The following CCDC97 variants were observed in gnomAD, a reference collection of about 807,000 sequenced individuals.
The protein encoded by CCDC97 is coiled-coil domain containing 97.
In CCDC97, 27 loss-of-function variants were observed where a neutral mutation model predicts 33.9. That is an observed-to-expected ratio of 0.80 (90% CI 0.59 to 1.10). The LOEUF (loss-of-function observed/expected upper bound fraction) is 1.10. CCDC97 is among the 50% of genes least tolerant of loss of function. The pLI is 0.00. For synonymous variants in CCDC97, 217 were observed against 194.0 expected (o/e 1.12, Z -0.99); for missense variants, 422 against 476.6 (o/e 0.89, Z 1.07).
At chr19:41,319,507 C>T in intron 2 of CCDC97, 67 bp from the exon 3 acceptor site, 1 of 1,139,230 alleles carries the variant, frequency 8.8e-7, no homozygotes, top group South Asian at 1.4e-5. Context: ...TGATCACACA[C>T]ATACCCACAT....
In CCDC97 at chr19:41,310,364, C is replaced by G. The variant is rs774807722; in HGVS notation, c.46+8C>G. On this transcript the variant is annotated splice_region_variant and intron_variant, in intron 1 of 4. Transcript: ENST00000269967. ...CGAAGGAACCCGATAAGGGTGAGAT[C>G]TTGGTCACGCGCAGGCGGCGGGTGG... 6.2e-6 allele frequency: 10 copies of G among 1,603,256 alleles called. No individual in the cohort carries two copies. Among genetic ancestry groups the G allele is most frequent in the South Asian group, 2.2e-5 (2 of 89,214 alleles).
chr19:41,310,452 G>A, intron 1 of CCDC97, 96 bp downstream of exon 1: 1 of 1,528,916 alleles, frequency 6.5e-7, no homozygotes, highest in Non-Finnish European at 8.8e-7. Flanking sequence ...CTCGTTTTAG[G>A]GGGACACCCA....
At chr19:41,319,447 A>G in intron 2 of CCDC97, 127 bp from the exon 3 acceptor site, 1 of 687,660 alleles carries the variant, frequency 1.5e-6, no homozygotes, top group East Asian at 2.7e-5. Context: ...GTGTTTTTGA[A>G]TGTGTGCATA....
rs746229440 is a variant in CCDC97, at chr19:41,316,575, C to A, written c.238C>A (p.Gln80Lys). 14 of 1,614,130 alleles carry A rather than the reference C, an allele frequency of 8.7e-6. No homozygotes were observed. The highest frequency in any genetic ancestry group is 1.2e-5 in the Non-Finnish European group (14 of 1,180,052). ...VAASRLPVCS[Q>K]QQGEPDLTEH... ...CGCCAGCCGCCTGCCTGTTTGCAGC[C>A]AGCAGCAGGGTGAACCCGACTTGAC... The change falls in exon 2 of 5, where the codon CAG becomes AAG. Residue 80 changes from glutamine to lysine, a missense_variant. Physicochemically the swap from Gln to Lys is moderately conservative, Grantham distance 53 (BLOSUM62 1). Coordinates refer to ENST00000269967, the MANE Select transcript of CCDC97 (RefSeq NM_052848.3).
At chr19:41,321,123 G>A (rs2037820239) in intron 4 of CCDC97, among the ~76,000 whole-genome samples, 1 of 152,244 alleles carries the variant, frequency 6.6e-6, no homozygotes, top group African/African-American at 2.4e-5. Flanking sequence ...ACACATAAGC[G>A]GACCCTACGT....
intron 1 of CCDC97, among the ~76,000 whole-genome samples, chr19:41,311,582 T>A (rs1291681789): frequency 2.0e-5 from 3 of 151,836 alleles, no homozygotes; most frequent in Admixed American, 2.0e-4. Flanking sequence ...AAAATACAAA[T>A]ATTAGCCAGG....
chr19:41,310,381 G>T lies in CCDC97; in HGVS notation c.46+25G>T. 4 of 1,596,742 alleles carry T rather than the reference G, an allele frequency of 2.5e-6. No individual in the cohort carries two copies. In the South Asian group the frequency reaches 4.5e-5, roughly 18 times the overall value. On this transcript the variant is annotated intron_variant, in intron 1 of 4. Coordinates refer to ENST00000269967, the MANE Select transcript of CCDC97 (RefSeq NM_052848.3). ...GGTGAGATCTTGGTCACGCGCAGGC[G>T]GCGGGTGGGTGCGGTTGCGGTGTCT...
intron 2 of CCDC97, among the ~76,000 whole-genome samples, chr19:41,317,595 C>G (rs1329111812): frequency 6.6e-6 from 1 of 151,542 alleles, no homozygotes; most frequent in Non-Finnish European, 1.5e-5. Flanking sequence ...TGGTGGCGCC[C>G]TAGCTACTCA....
At chr19:41,317,913 T>G (rs1188248431) in intron 2 of CCDC97, among the ~76,000 whole-genome samples, 6 of 137,220 alleles carry the variant, frequency 4.4e-5, no homozygotes, top group African/African-American at 1.7e-4. Context: ...TAGCCACATG[T>G]GGTGGCAGGC....
chr19:41,322,750 C>T lies in CCDC97; in HGVS notation c.*35C>T, dbSNP rs201969844. On this transcript the variant is annotated 3_prime_UTR_variant, in exon 5 of 5. Coordinates refer to ENST00000269967, the MANE Select transcript of CCDC97 (RefSeq NM_052848.3). ...CCCTTCCCACCGCCTGCCCCATCCC[C>T]ATCCCCAACAAGGCAGCTGATTCCA... The T allele has an allele frequency of 4.4e-5, 71 of 1,605,220 alleles. No homozygotes were observed. In the African/African-American group the frequency reaches 9.0e-4, roughly 20 times the overall value.
chr19:41,312,425 A>T (rs1008812612), intron 1 of CCDC97, among the ~76,000 whole-genome samples: 3 of 152,092 alleles, frequency 2.0e-5, no homozygotes, highest in Non-Finnish European at 4.4e-5. Flanking sequence ...CTAGAATTAA[A>T]TGCTGTTGAT....
Position 41,320,327 on chromosome 19 carries a change from C to A in CCDC97, c.782-14C>A. On this transcript the variant is annotated splice_polypyrimidine_tract_variant and intron_variant, in intron 3 of 4. Transcript: ENST00000269967. ...TGCACCCGCATTCACACCCCCTCTC[C>A]TCTCCCTCTGCAGACCAGAGGTCAG... The A allele has an allele frequency of 6.2e-7, 1 of 1,613,504 alleles. No individual in the cohort carries two copies.
chr19:41,322,582 C>A lies in CCDC97; in HGVS notation c.912-13C>A. On this transcript the variant is annotated splice_polypyrimidine_tract_variant and intron_variant, in intron 4 of 4. Coordinates refer to ENST00000269967, the MANE Select transcript of CCDC97 (RefSeq NM_052848.3). The stretch of plus-strand genomic sequence containing the variant: ...AGGGAGACCCAGTCCTTGACAGCCT[C>A]CTCCTCCTGCAGCACAGTAGACGAC... 6.2e-7 allele frequency: 1 copy of A among 1,611,734 alleles called. No homozygotes were observed. The highest frequency in any genetic ancestry group is 1.1e-5 in the South Asian group (1 of 90,868).
At position 41,320,365 on chromosome 19, in the gene CCDC97, A is replaced by G. The variant is rs2037808536; in HGVS notation, c.806A>G (p.Glu269Gly). The G allele has an allele frequency of 5.0e-6, 8 of 1,613,954 alleles. No homozygotes were observed. The highest frequency in any genetic ancestry group is 5.9e-6 in the Non-Finnish European group (7 of 1,180,014). Residue 269 changes from glutamate (E) to glycine (G), a missense_variant, in exon 4 of 5, where the codon GAG becomes GGG. Transcript: ENST00000269967. ...EEDQRSGKDS[E>G]AWVPDSEERL... ...GACCAGAGGTCAGGCAAGGACTCGG[A>G]GGCCTGGGTTCCCGACTCGGAGGAG...
intron 4 of CCDC97, among the ~76,000 whole-genome samples, chr19:41,322,251 C>T (rs560934639): frequency 1.6e-4 from 25 of 152,264 alleles, no homozygotes; most frequent in Middle Eastern, 3.4e-3. Context: ...CTCACCACCA[C>T]GCCTGGCTAC....
chr19:41,322,569 T>G, intron 4 of CCDC97, 26 bp from the exon 5 acceptor site: 1 of 1,608,636 alleles, frequency 6.2e-7, no homozygotes, highest in Non-Finnish European at 8.5e-7. Context: ...GGAGACCCAG[T>G]CCTTGACAGC....
intron 2 of CCDC97, among the ~76,000 whole-genome samples, chr19:41,317,785 C>G (rs920337770): frequency 6.7e-6 from 1 of 150,034 alleles, no homozygotes; most frequent in African/African-American, 2.5e-5. Context: ...CACAGTCACT[C>G]AAGCCGGTGA....
At chr19:41,321,497 C>T (rs1255749681) in intron 4 of CCDC97, among the ~76,000 whole-genome samples, 2 of 152,244 alleles carry the variant, frequency 1.3e-5, no homozygotes, top group African/African-American at 4.8e-5. Context: ...TCTGTGATGT[C>T]CACAGGCTCT....
intron 1 of CCDC97, among the ~76,000 whole-genome samples, chr19:41,311,532 A>G (rs982396810): frequency 3.9e-5 from 6 of 152,140 alleles, no homozygotes; most frequent in Non-Finnish European, 7.3e-5. Flanking sequence ...CAGGAGTTGG[A>G]GACCAGCCTA....
Sources: allele counts gnomAD v4.1 joint callset (sites outside exome capture counted in the v4.1 genomes callset), GRCh38; gene constraint gnomAD v4.1.1; transcripts MANE v1.5; gene names NCBI Gene and HGNC (gene_info 2026-07-23, HGNC 2026-07-21).